The following LAD1 variants were observed in gnomAD, a reference collection of about 807,000 sequenced individuals.
The protein encoded by LAD1 is ladinin-1.
LAD1 carries 53 observed loss-of-function variants against 54.2 expected under a neutral mutation model. The observed-to-expected ratio is 0.98, with a 90% CI of 0.78 to 1.23. The LOEUF is 1.23. Ranked by LOEUF, LAD1 falls within the 50% of genes most tolerant of loss-of-function variation. The pLI is 0.00. For missense variants in LAD1, 637 were observed against 653.3 expected (o/e 0.98, Z 0.27); for synonymous variants, 231 against 257.7 (o/e 0.90, Z 0.99).
chr1:201,386,183 G>A, intron 3 of LAD1, 152 bp downstream of exon 3: 1 of 783,166 alleles, frequency 1.3e-6, no homozygotes, highest in Non-Finnish European at 1.9e-6. Flanking sequence ...ACCATGGCTA[G>A]AAGCAGGCAG....
In LAD1 at chr1:201,395,024, T is replaced by G. The variant is rs192737296; in HGVS notation, c.38+4245A>C. Among the ~76,000 whole-genome samples the G allele has an allele frequency of 7.2e-5, 11 of 152,314 alleles. No homozygotes were observed. The East Asian group carries it at 2.1e-3, about 29-fold the overall frequency. ...CTCCTGGGGGTCTCCAGGGCTCAGC[T>G]GCAGGACTCAGAACCCAGGGATCCT... On this transcript the variant is annotated intron_variant, in intron 1 of 9. Transcript: ENST00000391967.
At chr1:201,383,514 A>T in intron 5 of LAD1, 125 bp from the exon 6 acceptor site, 1 of 884,644 alleles carries the variant, frequency 1.1e-6, no homozygotes, top group Non-Finnish European at 1.9e-6. Context: ...GTGGCCCTCC[A>T]TCACACAGCA....
At position 201,384,842 on chromosome 1, in the gene LAD1, T is replaced by TGA; in HGVS notation, c.1132-9_1132-8dup. ...TTTCTTTCTTGGGTTTCATCTGAAA[T>TGA]GAGAAGGAAAGGCATTGTTGTGTGG... On this transcript the variant is annotated splice_region_variant and splice_polypyrimidine_tract_variant and intron_variant, in intron 4 of 9. Coordinates refer to ENST00000391967, the MANE Select transcript of LAD1 (RefSeq NM_005558.4). The TGA allele has an allele frequency of 6.2e-7, 1 of 1,613,858 alleles. No individual in the cohort carries two copies. Among genetic ancestry groups the TGA allele is most frequent in the Non-Finnish European group, 8.5e-7 (1 of 1,179,976 alleles).
At chr1:201,399,186 G>C in intron 1 of LAD1, 83 bp downstream of exon 1, 1 of 1,142,096 alleles carries the variant, frequency 8.8e-7, no homozygotes, top group East Asian at 2.5e-5. Context: ...TCCCAGGCGG[G>C]GAGGAGGCCG....
intron 3 of LAD1, 25 bp from the exon 4 acceptor site, chr1:201,385,830 C>A (rs779415881): frequency 6.4e-7 from 1 of 1,551,466 alleles, no homozygotes; most frequent in African/African-American, 1.4e-5. Context: ...GGGAGTGTCA[C>A]ATAAGAGGTC....
At chr1:201,385,219 C>T (rs1017184552) in intron 4 of LAD1, among the ~76,000 whole-genome samples, 1 of 152,208 alleles carries the variant, frequency 6.6e-6, no homozygotes, top group Non-Finnish European at 1.5e-5. Flanking sequence ...GAGTGAATGA[C>T]CCAGTGAACA....
intron 5 of LAD1, chr1:201,383,677 G>A (rs112813892): frequency 0.027 from 11,960 of 443,114 alleles, 250 homozygotes; most frequent in African/African-American, 0.066. Flanking sequence ...CTTCCTTTCC[G>A]TCTTCCCCAT....
At chr1:201,384,138 G>A (rs1356072476) in intron 5 of LAD1, among the ~76,000 whole-genome samples, 3 of 152,120 alleles carry the variant, frequency 2.0e-5, no homozygotes, top group Non-Finnish European at 4.4e-5. Context: ...TAGGTTTGCT[G>A]GGTGGGTGTG....
rs763019825 is a variant in LAD1, at chr1:201,382,296, T to C, written c.1504A>G (p.Arg502Gly). 29 of 1,613,696 alleles carry C rather than the reference T, an allele frequency of 1.8e-5. No homozygotes were observed. Among genetic ancestry groups the C allele is most frequent in the Non-Finnish European group, 2.4e-5 (28 of 1,179,868 alleles). The stretch of plus-strand genomic sequence containing the variant: ...TCAGATTTCTGTCCCCACTGAGTCC[T>C]CTCGGTTGCAGATGATGCTTTCTGT... The part of the protein sequence containing the change: ...EAQKASSATE[R>G]TQWGQKSDSS... Residue 502 changes from arginine to glycine, a missense_variant, in exon 9 of 10, where the codon AGG (arginine) becomes GGG (glycine). By Grantham distance (125) the Arg-to-Gly change is moderately radical (BLOSUM62 -2). Transcript: ENST00000391967.
chr1:201,385,607 C>T, intron 4 of LAD1, 94 bp downstream of exon 4: 1 of 919,000 alleles, frequency 1.1e-6, no homozygotes, highest in East Asian at 2.4e-5. Flanking sequence ...AGGGGACCTT[C>T]CTACCTAACC....
chr1:201,398,994 AG>A (rs376063325), intron 1 of LAD1, among the ~76,000 whole-genome samples: 2 of 152,086 alleles, frequency 1.3e-5, no homozygotes, highest in East Asian at 1.9e-4. Flanking sequence ...CACCTTCCAC[AG>A]GGGGGGCCAT....
rs551972164 is a variant in LAD1, at chr1:201,381,218, T to C, written c.*670A>G. The C allele has an allele frequency of 4.3e-4, 68 of 156,642 alleles. 1 individual carries two copies. In the South Asian group the frequency reaches 0.012, roughly 28 times the overall value. The allele number at this position is 156,642 out of a possible 1,614,324, so 9.7% of individuals were successfully genotyped here. A position where few individuals can be genotyped will look rare whatever the true frequency, so the allele number is the denominator to read the frequency against. ...TAAGGTCTCATCAGTCTCTTACACC[T>C]GAGAGTAAATGAGTTTATCAGATCC... On this transcript the variant is annotated 3_prime_UTR_variant, in exon 10 of 10. Coordinates refer to ENST00000391967, the MANE Select transcript of LAD1 (RefSeq NM_005558.4).
intron 1 of LAD1, among the ~76,000 whole-genome samples, chr1:201,397,636 A>G (rs950762842): frequency 2.6e-5 from 4 of 152,050 alleles, no homozygotes; most frequent in Non-Finnish European, 4.4e-5. Flanking sequence ...ACTTCTGAAG[A>G]AGGAGTGTCT....
chr1:201,392,805 T>C (rs2799674), intron 1 of LAD1, among the ~76,000 whole-genome samples: 68,793 of 150,980 alleles, frequency 0.46, 15,829 homozygotes, highest in Middle Eastern at 0.51. Context: ...AAAAAAACAT[T>C]GAAAGGGCCA....
intron 1 of LAD1, chr1:201,397,241 C>T (rs1205050615): frequency 6.6e-6 from 1 of 152,536 alleles, no homozygotes; most frequent in African/African-American, 2.4e-5. Flanking sequence ...CCTTTCCTGC[C>T]TGCCCGCTGA....
chr1:201,398,253 G>C (rs1662335087), intron 1 of LAD1, among the ~76,000 whole-genome samples: 1 of 152,228 alleles, frequency 6.6e-6, no homozygotes, highest in Admixed American at 6.5e-5. Context: ...GCTGGGGAAA[G>C]CCTACAGGAC....
In LAD1 at chr1:201,386,482, C is replaced by T; in HGVS notation, c.879G>A (p.Gln293=). ...GGCTTCCCCCAGAGGCTGGCGGCTC[C>T]TGCGCCAGGGGCTGCTCTGAGGCTG... ...RATASEQPLA[Q]EPPASGGSPA... is the part of the protein sequence containing the mutation. Residue 293 remains glutamine, a synonymous_variant, in exon 3 of 10, where the codon CAG becomes CAA. Transcript: ENST00000391967. The T allele has an allele frequency of 6.4e-7, 1 of 1,555,680 alleles. No homozygotes were observed. The highest frequency in any genetic ancestry group is 8.6e-7 in the Non-Finnish European group (1 of 1,156,352).
At position 201,386,481 on chromosome 1, in the gene LAD1, C is replaced by T. The variant is rs777633564; in HGVS notation, c.880G>A (p.Glu294Lys). The T allele has an allele frequency of 1.9e-6, 3 of 1,555,028 alleles. No homozygotes were observed. The highest frequency in any genetic ancestry group is 2.8e-5 in the African/African-American group (2 of 72,368). The change falls in exon 3 of 10, where the codon GAG (glutamate) becomes AAG (lysine). Residue 294 changes from glutamate (E) to lysine (K), a missense_variant. Transcript: ENST00000391967. ...GGGCTTCCCCCAGAGGCTGGCGGCTCCTGCGCCAGGGGCTGCTCTGAGGCT... is the reference window on the plus strand; with the variant it reads ...GGGCTTCCCCCAGAGGCTGGCGGCTTCTGCGCCAGGGGCTGCTCTGAGGCT... ...ATASEQPLAQ[E>K]PPASGGSPAT... is the part of the protein sequence containing the mutation.
At position 201,389,185 on chromosome 1, in the gene LAD1, C is replaced by T. The variant is rs1370956198; in HGVS notation, c.157G>A (p.Asp53Asn). ...DEAPRLSQNGDRQASASERLP... is the reference protein window; with the variant it reads ...DEAPRLSQNGNRQASASERLP... ...CTCTCAGAAGCAGAGGCCTGCCGGT[C>T]TCCATTCTGGCTGAGCCTGGGAGCC... Residue 53 changes from aspartate to asparagine, a missense_variant, in exon 2 of 10, where the codon GAC becomes AAC. Coordinates refer to ENST00000391967, the MANE Select transcript of LAD1 (RefSeq NM_005558.4). The T allele has an allele frequency of 1.9e-6, 3 of 1,614,208 alleles. No individual in the cohort carries two copies. Among genetic ancestry groups the T allele is most frequent in the Non-Finnish European group, 2.5e-6 (3 of 1,180,012 alleles).
Sources: gnomAD v4.1 joint callset for allele counts (sites outside exome capture counted in the v4.1 genomes callset) on GRCh38, gnomAD v4.1.1 for gene constraint, MANE v1.5 for transcripts, NCBI Gene and HGNC (gene_info 2026-07-23, HGNC 2026-07-21) for gene names.